Variants in TPGS2 observed in about 807,000 individuals in gnomAD.
TPGS2 encodes the protein polyglutamylase subunit 2.
Under a neutral mutation model 31.1 loss-of-function variants are expected in TPGS2, and 26 were observed. The ratio of observed to expected loss-of-function variants is 0.84; its 90% CI spans 0.61 to 1.16. TPGS2 has a LOEUF of 1.16. Among genes scored for constraint, TPGS2 ranks in the 50% most tolerant of loss-of-function variants. The pLI is 0.00. For missense variants in TPGS2, 351 were observed against 363.8 expected (o/e 0.96, Z 0.29); for synonymous variants, 130 against 136.6 (o/e 0.95, Z 0.34).
downstream of TPGS2, among the ~76,000 whole-genome samples, chr18:36,792,599 T>C (rs555362365): frequency 2.6e-5 from 4 of 152,172 alleles, no homozygotes; most frequent in Admixed American, 6.5e-5. Context: ...GTGAGCATCA[T>C]TGTCACCACT....
At chr18:36,804,652 A>G (rs1273554412) in intron 4 of TPGS2, among the ~76,000 whole-genome samples, 6 of 152,300 alleles carry the variant, frequency 3.9e-5, no homozygotes, top group South Asian at 4.1e-4. Context: ...TTAGTTGCCT[A>G]TTCACTATTT....
chr18:36,797,363 C>A (rs973159487), intron 6 of TPGS2, among the ~76,000 whole-genome samples: 1 of 150,978 alleles, frequency 6.6e-6, no homozygotes, highest in African/African-American at 2.4e-5. Context: ...TCCCAAAGCA[C>A]TAGAGGACAG....
chr18:36,798,775 CCTT>C (rs1338219084), intron 5 of TPGS2, among the ~76,000 whole-genome samples, 166 bp from the exon 6 acceptor site: 1 of 152,158 alleles, frequency 6.6e-6, no homozygotes, highest in African/African-American at 2.4e-5. Flanking sequence ...CCTCCAGTCT[CCTT>C]CTCTAGTGGC....
intron 6 of TPGS2, among the ~76,000 whole-genome samples, chr18:36,797,517 G>GTT (rs113722401): frequency 7.1e-6 from 1 of 140,952 alleles, no homozygotes; most frequent in African/African-American, 2.6e-5. Flanking sequence ...GTTTCCTACT[G>GTT]TTTTTTTTTT....
chr18:36,786,780 A>G lies in TPGS2; in HGVS notation c.658-3649T>C, dbSNP rs2044141422. ...GTTCTCTGGAGTCCCCTTGGCCAGC[A>G]GAGAGTCTGTTCACTTGGTTGGAGA... On this transcript the variant is annotated intron_variant, in intron 6 of 6. Coordinates refer to the TPGS2 transcript ENST00000587129. 8.9e-6 allele frequency: 11 copies of G among 1,231,706 alleles called. No homozygotes were observed. The South Asian group carries it at 1.7e-4, about 19-fold the overall frequency. The allele number at this position is 1,231,706 out of a possible 1,614,324, so 76.3% of individuals were successfully genotyped here. A position where few individuals can be genotyped will look rare whatever the true frequency, so the allele number is the denominator to read the frequency against.
chr18:36,804,395 T>C lies in TPGS2; in HGVS notation c.382+979A>G, dbSNP rs183395891. Among the ~76,000 whole-genome samples the C allele has an allele frequency of 2.8e-4, 43 of 152,276 alleles. No individual in the cohort carries two copies. The South Asian group carries it at 3.1e-3, about 11-fold the overall frequency. The stretch of plus-strand genomic sequence containing the variant: ...AGCAGGGAAGACTTAGCCCACCTAT[T>C]TGACTACTTCACCTTTTAGAGAAGC... On this transcript the variant is annotated intron_variant, in intron 4 of 6. Transcript: ENST00000334295.
chr18:36,796,315 T>A lies in TPGS2; in HGVS notation c.*490A>T. 1.0e-6 allele frequency: 1 copy of A among 979,322 alleles called. No homozygotes were observed. The highest frequency in any genetic ancestry group is 1.2e-6 in the Non-Finnish European group (1 of 824,322). The allele number at this position is 979,322 out of a possible 1,614,324, so 60.7% of individuals were successfully genotyped here. On this transcript the variant is annotated 3_prime_UTR_variant, in exon 7 of 7. Transcript: ENST00000334295. ...GTGATGGAAATGTTCCATATCTTTG[T>A]GCTAATACAGAATCTACCAGCCACA... is the stretch of plus-strand genomic sequence containing the variant.
chr18:36,797,653 T>C (rs1008230772), intron 6 of TPGS2, among the ~76,000 whole-genome samples: 1 of 149,804 alleles, frequency 6.7e-6, no homozygotes, highest in African/African-American at 2.5e-5. Flanking sequence ...ACTAGATGAA[T>C]ACATACACAG....
chr18:36,822,176 C>T (rs76410951), intron 1 of TPGS2, among the ~76,000 whole-genome samples: 3,121 of 152,280 alleles, frequency 0.02, 60 homozygotes, highest in East Asian at 0.096. Context: ...GCCAACGTGA[C>T]CAGCATTCAA....
intron 1 of TPGS2, among the ~76,000 whole-genome samples, chr18:36,822,178 A>G (rs929525972): frequency 2.6e-5 from 4 of 152,242 alleles, no homozygotes; most frequent in Admixed American, 2.0e-4. Context: ...CAACGTGACC[A>G]GCATTCAATA....
intron 1 of TPGS2, among the ~76,000 whole-genome samples, chr18:36,820,629 C>G (rs1400468649): frequency 6.6e-6 from 1 of 152,064 alleles, no homozygotes; most frequent in Non-Finnish European, 1.5e-5. Context: ...GTATCCTTAC[C>G]CTCGTTTTAA....
At chr18:36,789,346 C>T (rs146920912), downstream of TPGS2, 8 of 152,186 alleles carry the variant, frequency 5.3e-5, no homozygotes, top group African/African-American at 1.7e-4. Context: ...CCTGGTGGAA[C>T]GTTCTGTGAT....
chr18:36,817,775 T>C (rs1197544452), intron 2 of TPGS2: 1 of 152,216 alleles, frequency 6.6e-6, no homozygotes, highest in Non-Finnish European at 1.5e-5. Flanking sequence ...TCTTCATCTA[T>C]AAAATGGAGA....
At chr18:36,810,443 A>G (rs2045369198) in intron 2 of TPGS2, among the ~76,000 whole-genome samples, 1 of 152,102 alleles carries the variant, frequency 6.6e-6, no homozygotes, top group Non-Finnish European at 1.5e-5. Context: ...ACAGGGAGCA[A>G]TCTGCCCACA....
In TPGS2 at chr18:36,795,303, G is replaced by A. The variant is rs1307578885; in HGVS notation, c.*1502C>T. 4 of 985,476 alleles carry A rather than the reference G, an allele frequency of 4.1e-6. No homozygotes were observed. In the African/African-American group the frequency reaches 5.2e-5, roughly 13 times the overall value. The allele number at this position is 985,476 out of a possible 1,614,324, so 61.0% of individuals were successfully genotyped here. A position where few individuals can be genotyped will look rare whatever the true frequency, so the allele number is the denominator to read the frequency against. ...CTGGGTCGATTAGCAGGTAGACAGTGCAAAGGAAGGAAGTCTGGCCAATCA... is the reference window on the plus strand; with the variant it reads ...CTGGGTCGATTAGCAGGTAGACAGTACAAAGGAAGGAAGTCTGGCCAATCA... On this transcript the variant is annotated 3_prime_UTR_variant, in exon 7 of 7. Transcript: ENST00000334295.
intron 4 of TPGS2, among the ~76,000 whole-genome samples, chr18:36,803,237 T>C (rs749942121): frequency 9.2e-5 from 14 of 152,196 alleles, no homozygotes; most frequent in Non-Finnish European, 1.9e-4. Flanking sequence ...CCTGTCTCAC[T>C]GAAACTGTGC....
chr18:36,824,524 CCAA>C (rs907139389), intron 1 of TPGS2, among the ~76,000 whole-genome samples: 20 of 152,320 alleles, frequency 1.3e-4, no homozygotes, highest in African/African-American at 4.6e-4. Flanking sequence ...CATATCCTCA[CCAA>C]CAATTGCTGT....
chr18:36,819,780 C>T (rs148982857), intron 1 of TPGS2, among the ~76,000 whole-genome samples: 1 of 152,212 alleles, frequency 6.6e-6, no homozygotes, highest in East Asian at 1.9e-4. Flanking sequence ...GTCCTAACCC[C>T]CAGTACCTCA....
At chr18:36,803,746 T>C (rs1003012104) in intron 4 of TPGS2, among the ~76,000 whole-genome samples, 2 of 152,226 alleles carry the variant, frequency 1.3e-5, no homozygotes, top group African/African-American at 4.8e-5. Flanking sequence ...AAAATACATA[T>C]ACTCCTCTTC....
Sources: gnomAD v4.1 joint callset for allele counts (sites outside exome capture counted in the v4.1 genomes callset) on GRCh38, gnomAD v4.1.1 for gene constraint, MANE v1.5 for transcripts, NCBI Gene and HGNC (gene_info 2026-07-23, HGNC 2026-07-21) for gene names.